The following ATP8B4 variants were observed in gnomAD, a reference collection of about 807,000 sequenced individuals.
The protein encoded by ATP8B4 is ATPase phospholipid transporting 8B4 (putative).
In ATP8B4, 133 loss-of-function variants were observed where a neutral mutation model predicts 145.6. The observed-to-expected ratio is 0.91, with a 90% confidence interval of 0.79 to 1.05. The LOEUF (loss-of-function observed/expected upper bound fraction) is 1.05, where lower values mean the gene tolerates loss of function less well. ATP8B4 is among the 50% of genes least tolerant of loss of function. The pLI is 0.00. For synonymous variants in ATP8B4, 507 were observed against 492.9 expected, an observed-to-expected ratio of 1.03 and a Z score of -0.38; for missense variants, 1,458 against 1,425.2, an observed-to-expected ratio of 1.02 and a Z score of -0.37.
chr15:50,180,522 A>G (rs983966302), intron 1 of ATP8B4, among the ~76,000 whole-genome samples: 1 of 152,174 alleles, frequency 6.6e-6, no homozygotes, highest in African/African-American at 2.4e-5. Flanking sequence ...CCCTTGTGGT[A>G]ATCTAGCACT....
At chr15:50,143,059 CA>C (rs1247177058) in intron 1 of ATP8B4, among the ~76,000 whole-genome samples, 1 of 152,200 alleles carries the variant, frequency 6.6e-6, no homozygotes, top group Non-Finnish European at 1.5e-5. Context: ...TCAACCTCAT[CA>C]AAGCCCTCAT....
intron 2 of ATP8B4, among the ~76,000 whole-genome samples, chr15:50,085,802 C>T (rs530226246): frequency 5.5e-4 from 76 of 137,080 alleles, no homozygotes; most frequent in African/African-American, 2.0e-3. Flanking sequence ...CATTTTATTA[C>T]GTATTTCATT....
At chr15:49,899,298 T>A (rs953425751) in intron 21 of ATP8B4, among the ~76,000 whole-genome samples, 3 of 152,190 alleles carry the variant, frequency 2.0e-5, no homozygotes, top group African/African-American at 7.2e-5. Flanking sequence ...CCCTCTGTGC[T>A]CTCAAAGCAT....
intron 7 of ATP8B4, among the ~76,000 whole-genome samples, chr15:50,004,539 C>T (rs117492954): frequency 0.025 from 3,734 of 152,248 alleles, 66 homozygotes; most frequent in Non-Finnish European, 0.04. Flanking sequence ...AACTTGTGTT[C>T]CAGGTGTAGG....
chr15:50,057,889 C>G (rs1002411036), intron 3 of ATP8B4, among the ~76,000 whole-genome samples: 1 of 152,086 alleles, frequency 6.6e-6, no homozygotes, highest in Non-Finnish European at 1.5e-5. Context: ...TTTAATCACA[C>G]TAATTTTTTT....
intron 3 of ATP8B4, among the ~76,000 whole-genome samples, chr15:50,068,561 G>A (rs971162113): frequency 1.3e-5 from 2 of 152,042 alleles, no homozygotes; most frequent in African/African-American, 4.8e-5. Context: ...TCCTAAATGG[G>A]ATCAATAACT....
intron 14 of ATP8B4, among the ~76,000 whole-genome samples, chr15:49,956,935 G>A (rs2043620149): frequency 6.6e-6 from 1 of 152,054 alleles, no homozygotes; most frequent in South Asian, 2.1e-4. Flanking sequence ...AATGAGAAAG[G>A]GACTAGTTAG....
intron 2 of ATP8B4, among the ~76,000 whole-genome samples, chr15:50,077,078 A>G (rs1443135058): frequency 6.6e-6 from 1 of 152,198 alleles, no homozygotes; most frequent in African/African-American, 2.4e-5. Flanking sequence ...GGATCCTTCC[A>G]TATGTAAGAG....
intron 6 of ATP8B4, among the ~76,000 whole-genome samples, chr15:50,034,734 C>G (rs2153596872): frequency 6.6e-6 from 1 of 152,214 alleles, no homozygotes; most frequent in Non-Finnish European, 1.5e-5. Flanking sequence ...TTAACTCCTC[C>G]AAGTGATTCT....
At chr15:50,168,757 T>C (rs768903653) in intron 1 of ATP8B4, among the ~76,000 whole-genome samples, 1 of 152,302 alleles carries the variant, frequency 6.6e-6, no homozygotes, top group Non-Finnish European at 1.5e-5. Flanking sequence ...CCTTTTCTCT[T>C]GCAGCTGGTA....
At chr15:49,960,433 A>G (rs1204743525) in intron 14 of ATP8B4, among the ~76,000 whole-genome samples, 2 of 152,228 alleles carry the variant, frequency 1.3e-5, no homozygotes, top group East Asian at 3.8e-4. Context: ...CTATAAAAGT[A>G]ATATCCCAAA....
At chr15:49,880,277 G>C (rs905438556) in intron 23 of ATP8B4, 1 of 152,186 alleles carries the variant, frequency 6.6e-6, no homozygotes, top group African/African-American at 2.4e-5. Flanking sequence ...TTTGAGATAA[G>C]ACCTGAAGGA....
rs183870258 is a variant in ATP8B4 at position 50,063,873 on chromosome 15, C to T, written c.87+10254G>A. Reference sequence around the variant, plus strand: ...TTGCATGAAACAGAAGACATGTTTGCTCTGCTTTGGTCTCTGAAGAAAAGC... The same window carrying T: ...TTGCATGAAACAGAAGACATGTTTGTTCTGCTTTGGTCTCTGAAGAAAAGC... On this transcript the variant is annotated intron_variant, in intron 3 of 27. Coordinates refer to ENST00000284509, the MANE Select transcript of ATP8B4 (RefSeq NM_024837.4). Among the ~76,000 whole-genome samples, 158 of 152,228 alleles carry T rather than the reference C, an allele frequency of 1.0e-3. No homozygotes were observed. The Middle Eastern group carries it at 0.017, about 16-fold the overall frequency.
chr15:50,073,077 G>A lies in ATP8B4; in HGVS notation c.87+1050C>T, dbSNP rs544209081. On this transcript the variant is annotated intron_variant, in intron 3 of 27. Transcript: ENST00000284509. ...ACTATACATATACGCATATATATAT[G>A]TGTGTGTGTATATATATGTGTGTGT... Among the ~76,000 whole-genome samples, 1,393 of 143,046 alleles carry A rather than the reference G, an allele frequency of 9.7e-3. 33 individuals are homozygous for A. The highest frequency in any genetic ancestry group is 0.035 in the African/African-American group (1,343 of 37,916). 93.8% of individuals were successfully genotyped at this position (143,046 alleles called of 152,430 possible).
intron 1 of ATP8B4, among the ~76,000 whole-genome samples, chr15:50,174,834 C>G (rs776809656): frequency 2.0e-5 from 3 of 152,016 alleles, no homozygotes; most frequent in Non-Finnish European, 2.9e-5. Context: ...CCCACATAGC[C>G]AAAGCAAGAT....
chr15:50,047,376 T>C lies in ATP8B4; in HGVS notation c.176A>G (p.Tyr59Cys). The change falls in exon 4 of 28, where the codon TAT (tyrosine) becomes TGT (cysteine). Residue 59 changes from tyrosine to cysteine, a missense_variant. Transcript: ENST00000284509. ...FEQFQRVANA[Y>C]FLCLLILQLI... ...CTGTAAAATCAGAAGGCAAAGAAAATAGGCATTTGCCACTCTTTGGAACTG... is the reference window on the plus strand; with the variant it reads ...CTGTAAAATCAGAAGGCAAAGAAAACAGGCATTTGCCACTCTTTGGAACTG... The C allele has an allele frequency of 6.3e-7, 1 of 1,582,162 alleles. No individual in the cohort carries two copies. Among genetic ancestry groups the C allele is most frequent in the Non-Finnish European group, 8.7e-7 (1 of 1,151,330 alleles).
At position 49,987,400 on chromosome 15, in the gene ATP8B4, T is replaced by C; in HGVS notation, c.739A>G (p.Ile247Val). 1 of 1,613,610 alleles carries C rather than the reference T, an allele frequency of 6.2e-7. No homozygotes were observed. Among genetic ancestry groups the C allele is most frequent in the Non-Finnish European group, 8.5e-7 (1 of 1,179,696 alleles). The stretch of plus-strand genomic sequence containing the variant: ...GGGTCACATGCTGTACCTGCAAAAA[T>C]AACCATTCCAAAACACCAGCTGGTA... ...RNTSWCFGMV[I>V]FAGPDTKLMQ... Residue 247 changes from isoleucine (I) to valine (V), a missense_variant, in exon 10 of 28, where the codon ATT (isoleucine) becomes GTT (valine). Transcript: ENST00000284509.
At chr15:50,044,474 C>T in intron 5 of ATP8B4, 120 bp downstream of exon 5, 1 of 640,954 alleles carries the variant, frequency 1.6e-6, no homozygotes, top group Non-Finnish European at 2.5e-6. Flanking sequence ...AGTAAAATAG[C>T]TTTATATGAT....
chr15:49,913,576 A>T (rs570442044), intron 20 of ATP8B4, among the ~76,000 whole-genome samples: 21 of 152,314 alleles, frequency 1.4e-4, no homozygotes, highest in African/African-American at 4.8e-4. Context: ...ATAGAAGTCA[A>T]ATTGTTCCTG....
Sources: gnomAD v4.1 joint callset for allele counts (sites outside exome capture counted in the v4.1 genomes callset) on GRCh38, gnomAD v4.1.1 for gene constraint, MANE v1.5 for transcripts, NCBI Gene and HGNC (gene_info 2026-07-23, HGNC 2026-07-21) for gene names.